Variants in GVQW3 observed in about 807,000 individuals in gnomAD.
GVQW3 encodes the protein protein GVQW3.
GVQW3 carries 7 observed loss-of-function variants against 12.5 expected under a neutral mutation model. The ratio of observed to expected loss-of-function variants is 0.56; its 90% CI spans 0.32 to 1.05. The LOEUF (loss-of-function observed/expected upper bound fraction) is 1.05, where lower values mean the gene tolerates loss of function less well. GVQW3 is among the 50% of genes least tolerant of loss of function. The probability of loss-of-function intolerance (pLI) is 0.04; values close to 1 mark genes in which losing one functional copy is unlikely to be tolerated. For missense variants in GVQW3, 188 were observed against 190.8 expected (o/e 0.99, Z 0.09); for synonymous variants, 71 against 67.2 (o/e 1.06, Z -0.28).
At chr11:76,409,115 A>G (rs1947065660), downstream of GVQW3, among the ~76,000 whole-genome samples, 2 of 152,154 alleles carry the variant, frequency 1.3e-5, no homozygotes, top group South Asian at 4.1e-4. Context: ...TGTGCTTAGA[A>G]TAGGTCCTCA....
rs1233286897 is a variant in GVQW3, at chr11:76,407,994, G to A, written c.*4236G>A. On this transcript the variant is annotated 3_prime_UTR_variant, in exon 2 of 2. Transcript: ENST00000529331. ...AAACATTACCAGTGGTTTGATCTGGGTGATGAAATTATAAGTGATTTTAAA... is the reference window on the plus strand; with the variant it reads ...AAACATTACCAGTGGTTTGATCTGGATGATGAAATTATAAGTGATTTTAAA... The A allele has an allele frequency of 6.6e-6, 1 of 151,978 alleles. No homozygotes were observed. Among genetic ancestry groups the A allele is most frequent in the African/African-American group, 2.4e-5 (1 of 41,386 alleles). The allele number at this position is 151,978 out of a possible 1,614,324, so 9.4% of individuals were successfully genotyped here.
chr11:76,399,124 TATTTC>T lies in GVQW3; in HGVS notation c.466-4531_466-4527del, dbSNP rs1345201352. ...TATTGTATTGTATTTTATTTTATTT[TATTTC>T]ATTTTATTTTATTTTATTTTATTTA... On this transcript the variant is annotated intron_variant, in intron 1 of 1. Coordinates refer to ENST00000529331, the MANE Select transcript of GVQW3 (RefSeq NM_001347885.2). Among the ~76,000 whole-genome samples the T allele has an allele frequency of 2.3e-3, 336 of 148,836 alleles. 1 individual carries two copies. Among genetic ancestry groups the T allele is most frequent in the Admixed American group, 4.4e-3 (66 of 15,104 alleles).
downstream of GVQW3, chr11:76,413,049 G>A (rs1009364398): frequency 6.6e-6 from 1 of 152,034 alleles, no homozygotes; most frequent in Non-Finnish European, 1.5e-5. Context: ...TTTTTTTATT[G>A]TGCAAATAAT....
intron 1 of GVQW3, among the ~76,000 whole-genome samples, chr11:76,384,278 C>G (rs962320582): frequency 6.6e-6 from 1 of 152,198 alleles, no homozygotes; most frequent in African/African-American, 2.4e-5. Context: ...TTCACTTTCT[C>G]TACTCACCTC....
intron 1 of GVQW3, chr11:76,383,322 A>G (rs1446847163): frequency 6.6e-6 from 1 of 152,268 alleles, no homozygotes; most frequent in East Asian, 1.9e-4. Flanking sequence ...ACTGCTGGGC[A>G]TTGACAATGT....
chr11:76,381,747 T>G lies in GVQW3; in HGVS notation c.-82T>G. 2 of 1,246,950 alleles carry G rather than the reference T, an allele frequency of 1.6e-6. No individual in the cohort carries two copies. Among genetic ancestry groups the G allele is most frequent in the Admixed American group, 2.8e-5 (1 of 35,106 alleles). 77.2% of individuals were successfully genotyped at this position (1,246,950 alleles called of 1,614,324 possible). On this transcript the variant is annotated 5_prime_UTR_variant, in exon 1 of 2. Transcript: ENST00000529331. ...GCAAGAAGAGCGATATGATTACACC[T>G]GCAGCCCTATAAAGATTGATCTGTC...
chr11:76,407,949 A>AC lies in GVQW3; in HGVS notation c.*4191_*4192insC, dbSNP rs1947057888. The AC allele has an allele frequency of 6.6e-6, 1 of 151,588 alleles. No homozygotes were observed. Among genetic ancestry groups the AC allele is most frequent in the African/African-American group, 2.4e-5 (1 of 41,358 alleles). 9.4% of individuals were successfully genotyped at this position (151,588 alleles called of 1,614,324 possible). A position where few individuals can be genotyped will look rare whatever the true frequency, so the allele number is the denominator to read the frequency against. ...TTTTTACTTTCTGTATGCTAAAACA[A>AC]ACCCCTCAAGATAGATCCAAAACAT... is the stretch of plus-strand genomic sequence containing the variant. On this transcript the variant is annotated 3_prime_UTR_variant, in exon 2 of 2. Transcript: ENST00000529331.
At position 76,381,790 on chromosome 11, in the gene GVQW3, C is replaced by A; in HGVS notation, c.-39C>A. Reference sequence around the variant, plus strand: ...GATCTGTCCGTCTTTCCCTTACAGTCGTGGCCTGTTAAACGTTCCTGTGTT... The same window carrying A: ...GATCTGTCCGTCTTTCCCTTACAGTAGTGGCCTGTTAAACGTTCCTGTGTT... On this transcript the variant is annotated 5_prime_UTR_variant, in exon 1 of 2. Coordinates refer to ENST00000529331, the MANE Select transcript of GVQW3 (RefSeq NM_001347885.2). 1 of 1,479,938 alleles carries A rather than the reference C, an allele frequency of 6.8e-7. No individual in the cohort carries two copies. The highest frequency in any genetic ancestry group is 1.4e-5 in the South Asian group (1 of 73,636). The allele number at this position is 1,479,938 out of a possible 1,614,324, so 91.7% of individuals were successfully genotyped here.
At chr11:76,410,005 C>G (rs1369534442), downstream of GVQW3, among the ~76,000 whole-genome samples, 1 of 152,120 alleles carries the variant, frequency 6.6e-6, no homozygotes, top group Non-Finnish European at 1.5e-5. Flanking sequence ...GCCTGTAATT[C>G]CAGCACTTTG....
At chr11:76,388,383 T>TAG (rs1483063416) in intron 1 of GVQW3, among the ~76,000 whole-genome samples, 1 of 152,220 alleles carries the variant, frequency 6.6e-6, no homozygotes, top group African/African-American at 2.4e-5. Flanking sequence ...TCTTTTCCCC[T>TAG]AGAGAGCTCT....
chr11:76,393,032 A>G (rs1301667120), intron 1 of GVQW3: 2 of 152,208 alleles, frequency 1.3e-5, no homozygotes, highest in African/African-American at 4.8e-5. Context: ...AGATGTTCTG[A>G]AAATTCTTCA....
chr11:76,405,971 G>T lies in GVQW3; in HGVS notation c.*2213G>T, dbSNP rs1341882847. 1 of 151,916 alleles carries T rather than the reference G, an allele frequency of 6.6e-6. No homozygotes were observed. The highest frequency in any genetic ancestry group is 2.4e-5 in the African/African-American group (1 of 41,310). The allele number at this position is 151,916 out of a possible 1,614,324, so 9.4% of individuals were successfully genotyped here. On this transcript the variant is annotated 3_prime_UTR_variant, in exon 2 of 2. Transcript: ENST00000529331. The stretch of plus-strand genomic sequence containing the variant: ...GCCACCATGCCTGGCCTGGAGATCA[G>T]TTCTTTTTTACTTTTTTTTGAGACA...
rs2134563996 is a variant in GVQW3 at position 76,404,214 on chromosome 11, A to G, written c.*456A>G. ...GGAGTTCAATCTGTGACTGACAGTG[A>G]ACAATTGATTGAGATAACTCACTAC... On this transcript the variant is annotated 3_prime_UTR_variant, in exon 2 of 2. Coordinates refer to ENST00000529331, the MANE Select transcript of GVQW3 (RefSeq NM_001347885.2). 2.5e-6 allele frequency: 1 copy of G among 392,912 alleles called. No homozygotes were observed. Among genetic ancestry groups the G allele is most frequent in the Middle Eastern group, 3.5e-4 (1 of 2,880 alleles). The allele number at this position is 392,912 out of a possible 1,614,324, so 24.3% of individuals were successfully genotyped here. A position where few individuals can be genotyped will look rare whatever the true frequency, so the allele number is the denominator to read the frequency against.
rs1232760868 is a variant in GVQW3 at position 76,407,113 on chromosome 11, G to A, written c.*3355G>A. 6.6e-6 allele frequency: 1 copy of A among 152,210 alleles called. No individual in the cohort carries two copies. Among genetic ancestry groups the A allele is most frequent in the East Asian group, 1.9e-4 (1 of 5,204 alleles). The allele number at this position is 152,210 out of a possible 1,614,324, so 9.4% of individuals were successfully genotyped here. A position where few individuals can be genotyped will look rare whatever the true frequency, so the allele number is the denominator to read the frequency against. ...TAAGTTTGGTTGTATAATTTCTGCT[G>A]TGTTTAAGAAAAATTACTTAACTTG... is the stretch of plus-strand genomic sequence containing the variant. On this transcript the variant is annotated 3_prime_UTR_variant, in exon 2 of 2. Transcript: ENST00000529331.
At chr11:76,384,218 ATAG>A (rs1946808195) in intron 1 of GVQW3, among the ~76,000 whole-genome samples, 1 of 152,254 alleles carries the variant, frequency 6.6e-6, no homozygotes, top group Non-Finnish European at 1.5e-5. Context: ...ATATTGCTTG[ATAG>A]TAGAGGCACA....
rs1184379998 is a variant in GVQW3, at chr11:76,396,310, T to TTTA, written c.466-7335_466-7333dup. ...GTGCTGCTATTATTATTATTATTAT[T>TTTA]TTATTATTATTATTATTTTTTGAGA... On this transcript the variant is annotated intron_variant, in intron 1 of 1. Coordinates refer to ENST00000529331, the MANE Select transcript of GVQW3 (RefSeq NM_001347885.2). Among the ~76,000 whole-genome samples, 4 of 151,632 alleles carry TTTA rather than the reference T, an allele frequency of 2.6e-5. No individual in the cohort carries two copies. In the East Asian group the frequency reaches 7.7e-4, roughly 29 times the overall value.
At chr11:76,382,366 C>T (rs1382139499) in intron 1 of GVQW3, 73 bp downstream of exon 1, 2 of 959,098 alleles carry the variant, frequency 2.1e-6, no homozygotes, top group East Asian at 2.6e-5. Context: ...GGTATCCCAT[C>T]CCAGAGTCCA....
rs542552461 is a variant in GVQW3 at position 76,400,770 on chromosome 11, CT to C, written c.466-2885del. ...CTATGAGACATCTGTTTGGCTCTCT[CT>C]TTTTATTCTTCATTTCTCTTAAATT... On this transcript the variant is annotated intron_variant, in intron 1 of 1. Transcript: ENST00000529331. 5.2e-3 allele frequency among the ~76,000 whole-genome samples: 786 copies of C among 152,184 alleles called. 3 individuals carry two copies. Among genetic ancestry groups the C allele is most frequent in the Non-Finnish European group, 7.9e-3 (534 of 68,000 alleles).
intron 1 of GVQW3, among the ~76,000 whole-genome samples, chr11:76,401,960 A>G (rs1946994183): frequency 2.0e-5 from 3 of 152,214 alleles, no homozygotes; most frequent in South Asian, 4.1e-4. Context: ...TCTTTCTTGC[A>G]ACTTCTCTAA....
Sources: gnomAD v4.1 joint callset for allele counts (sites outside exome capture counted in the v4.1 genomes callset) on GRCh38, gnomAD v4.1.1 for gene constraint, MANE v1.5 for transcripts, NCBI Gene and HGNC (gene_info 2026-07-23, HGNC 2026-07-21) for gene names.